The following PCDHA1 variants were observed in gnomAD, a reference collection of about 807,000 sequenced individuals.
PCDHA1 encodes the protein protocadherin alpha-1.
In PCDHA1, 42 loss-of-function variants were observed where a neutral mutation model predicts 61.3. That is an observed-to-expected ratio of 0.69 (90% CI 0.54 to 0.89). The LOEUF is 0.89. Among genes scored for constraint, PCDHA1 ranks in the 40% least tolerant of loss-of-function variants. The pLI is 0.00. For synonymous variants in PCDHA1, 610 were observed against 553.8 expected, an observed-to-expected ratio of 1.10 and a Z score of -1.43; for missense variants, 1,256 against 1,235.3, an observed-to-expected ratio of 1.02 and a Z score of -0.25.
chr5:140,869,316 T>C (rs782789227), intron 1 of PCDHA1: 22 of 1,613,628 alleles, frequency 1.4e-5, no homozygotes, highest in South Asian at 4.4e-5. Flanking sequence ...CCAAAACACA[T>C]GGGGACCTTC....
chr5:140,883,930 C>T, intron 1 of PCDHA1: 1 of 1,613,066 alleles, frequency 6.2e-7, no homozygotes, highest in East Asian at 2.2e-5. Context: ...TGCAGGTGTT[C>T]GTGCTGGACG....
intron 1 of PCDHA1, chr5:140,835,818 G>A: frequency 6.2e-7 from 1 of 1,612,692 alleles, no homozygotes; most frequent in Non-Finnish European, 8.5e-7. Flanking sequence ...CACTGTGTCG[G>A]CGGGGGACGC....
intron 1 of PCDHA1, chr5:140,882,291 G>A: frequency 6.2e-7 from 1 of 1,613,650 alleles, no homozygotes; most frequent in Non-Finnish European, 8.5e-7. Flanking sequence ...TGGCAAGGAG[G>A]CCCAAGACCG....
chr5:140,977,232 A>G (rs2096751038), intron 1 of PCDHA1, among the ~76,000 whole-genome samples: 1 of 152,368 alleles, frequency 6.6e-6, no homozygotes, highest in East Asian at 1.9e-4. Flanking sequence ...ACCCAATCAT[A>G]GAAAAATTGG....
At chr5:140,878,264 T>G (rs577205816) in intron 1 of PCDHA1, among the ~76,000 whole-genome samples, 83 of 152,314 alleles carry the variant, frequency 5.4e-4, no homozygotes, top group African/African-American at 1.9e-3. Flanking sequence ...TGCTTAGGCT[T>G]TTAAAATAGC....
intron 1 of PCDHA1, among the ~76,000 whole-genome samples, chr5:140,941,198 TC>T (rs2092794663): frequency 1.7e-5 from 2 of 119,812 alleles, no homozygotes; most frequent in African/African-American, 6.9e-5. Context: ...TTTTTTTCTT[TC>T]TTCCTTTCTT....
chr5:140,842,604 G>C, intron 1 of PCDHA1: 4 of 1,550,196 alleles, frequency 2.6e-6, no homozygotes, highest in Non-Finnish European at 3.5e-6. Context: ...GTAACCGCGC[G>C]GGACGGGGGC....
chr5:140,895,968 G>T lies in PCDHA1; in HGVS notation c.2395-82981G>T, dbSNP rs190056652. 4.1e-3 allele frequency among the ~76,000 whole-genome samples: 628 copies of T among 152,052 alleles called. 2 individuals are homozygous for T. Among genetic ancestry groups the T allele is most frequent in the Middle Eastern group, 6.8e-3 (2 of 294 alleles). On this transcript the variant is annotated intron_variant, in intron 1 of 3. Coordinates refer to ENST00000504120, the MANE Select transcript of PCDHA1 (RefSeq NM_018900.4). ...TGGGATTACAGGTGCCTGTCACCAG[G>T]CCTAGCTAATTTTTGTATTTTAAGT... is the stretch of plus-strand genomic sequence containing the variant.
At chr5:140,800,064 A>T (rs185306883) in intron 1 of PCDHA1, among the ~76,000 whole-genome samples, 85 of 152,254 alleles carry the variant, frequency 5.6e-4, no homozygotes, top group Admixed American at 1.4e-3. Flanking sequence ...AACAACTTTT[A>T]AAAAAACTGG....
intron 1 of PCDHA1, chr5:140,803,858 G>A (rs907396675): frequency 1.3e-4 from 73 of 575,574 alleles, no homozygotes; most frequent in Non-Finnish European, 2.0e-4. Context: ...AAATGCCTGG[G>A]TATAAGACAA....
At position 140,857,907 on chromosome 5, in the gene PCDHA1, C is replaced by T. The variant is rs1250345336; in HGVS notation, c.2394+69223C>T. 3.1e-6 allele frequency: 5 copies of T among 1,597,680 alleles called. No homozygotes were observed. Among genetic ancestry groups the T allele is most frequent in the Admixed American group, 1.7e-5 (1 of 59,240 alleles). Reference sequence around the variant, plus strand: ...TCGGCGGCGGTTGGTGCACGCATCCCGTTTCGCGTGGGGCTGTACACGGGC... The same window carrying T: ...TCGGCGGCGGTTGGTGCACGCATCCTGTTTCGCGTGGGGCTGTACACGGGC... On this transcript the variant is annotated intron_variant, in intron 1 of 3. Transcript: ENST00000504120.
chr5:140,814,578 T>C (rs1554126555), intron 1 of PCDHA1: 1 of 152,168 alleles, frequency 6.6e-6, no homozygotes, highest in African/African-American at 2.4e-5. Flanking sequence ...GTACTGTAAA[T>C]TACTGTACAT....
At chr5:140,899,702 G>A (rs2067498720) in intron 1 of PCDHA1, among the ~76,000 whole-genome samples, 1 of 152,228 alleles carries the variant, frequency 6.6e-6, no homozygotes, top group African/African-American at 2.4e-5. Flanking sequence ...CATAAAATGA[G>A]TTAGGGAGGA....
chr5:140,881,538 C>CT lies in PCDHA1; in HGVS notation c.2394+92857dup, dbSNP rs1216394306. ...AAATCCCACACATATTGACTGAACA[C>CT]TTTCTTTTGAATATAAATATCTTAT... On this transcript the variant is annotated intron_variant, in intron 1 of 3. Transcript: ENST00000504120. Among the ~76,000 whole-genome samples, 3 of 152,196 alleles carry CT rather than the reference C, an allele frequency of 2.0e-5. No homozygotes were observed. In the East Asian group the frequency reaches 5.8e-4, roughly 29 times the overall value.
chr5:140,860,192 C>CATATATATATATATATATATATATATAT (rs143984774), intron 1 of PCDHA1: 29 of 146,842 alleles, frequency 2.0e-4, no homozygotes, highest in South Asian at 1.3e-3. Context: ...GCTCTCCTTA[C>CATATATATATATATATATATATATATAT]ATATATATCT....
intron 1 of PCDHA1, chr5:140,803,429 G>A (rs782400745): frequency 1.1e-5 from 17 of 1,614,106 alleles, no homozygotes; most frequent in Non-Finnish European, 1.4e-5. Context: ...GCTCCAGCGC[G>A]GTGGGGAGCT....
intron 1 of PCDHA1, chr5:140,828,655 C>A (rs1769872389): frequency 6.2e-7 from 1 of 1,614,110 alleles, no homozygotes; most frequent in Non-Finnish European, 8.5e-7. Context: ...ACAGTGATGA[C>A]AATAAACAAA....
intron 1 of PCDHA1, chr5:140,822,892 G>A (rs2150120154): frequency 1.2e-6 from 2 of 1,614,212 alleles, no homozygotes; most frequent in East Asian, 4.5e-5. Flanking sequence ...TCTGATCAGC[G>A]TGTCTGACCG....
Position 140,787,450 on chromosome 5 carries a change from G to T in PCDHA1, c.1160G>T (p.Cys387Phe). 1.9e-6 allele frequency: 3 copies of T among 1,614,220 alleles called. No individual in the cohort carries two copies. The highest frequency in any genetic ancestry group is 1.1e-5 in the South Asian group (1 of 91,088). ...TCAGGTGCCAACGGGCAGGTGACTT[G>T]CTCCTTAATGCCCCACGTCCCCTTC... ...RDSGANGQVT[C>F]SLMPHVPFKL... Residue 387 changes from cysteine to phenylalanine, a missense_variant, in exon 1 of 4, where the codon TGC becomes TTC. Cys to Phe is a radical substitution (Grantham distance 205). Transcript: ENST00000504120.
Sources: allele counts gnomAD v4.1 joint callset (sites outside exome capture counted in the v4.1 genomes callset), GRCh38; gene constraint gnomAD v4.1.1; transcripts MANE v1.5; gene names NCBI Gene and HGNC (gene_info 2026-07-23, HGNC 2026-07-21).